XRCC4: variants seen among roughly 807,000 people sequenced by gnomAD.
XRCC4 encodes the protein X-ray repair cross complementing 4.
In XRCC4, 28 loss-of-function variants were observed where a neutral mutation model predicts 39.1. The observed-to-expected ratio is 0.72, with a 90% CI of 0.53 to 0.98. The LOEUF is 0.98. Ranked by LOEUF, XRCC4 falls within the 50% of genes least tolerant of loss-of-function variation. The pLI is 0.00. For synonymous variants in XRCC4, 123 were observed against 126.4 expected, an observed-to-expected ratio of 0.97 and a Z score of 0.18; for missense variants, 350 against 376.4, an observed-to-expected ratio of 0.93 and a Z score of 0.58.
chr5:83,085,443 G>A (rs1480796600), intron 1 of XRCC4, among the ~76,000 whole-genome samples: 1 of 150,460 alleles, frequency 6.6e-6, no homozygotes, highest in African/African-American at 2.5e-5. Flanking sequence ...TCTAAACGTT[G>A]GGGCACTTAA....
chr5:83,185,341 A>G (rs895123443), intron 3 of XRCC4, among the ~76,000 whole-genome samples: 27 of 147,412 alleles, frequency 1.8e-4, no homozygotes, highest in African/African-American at 6.7e-4. Context: ...AAATTAGTGT[A>G]GTTCCAAACC....
chr5:83,254,885 A>C (rs999799258), intron 6 of XRCC4, among the ~76,000 whole-genome samples: 1 of 152,030 alleles, frequency 6.6e-6, no homozygotes, highest in East Asian at 1.9e-4. Context: ...TCAGTAGTTC[A>C]AGACCAGTCT....
chr5:83,095,369 G>A (rs369086058), intron 1 of XRCC4, among the ~76,000 whole-genome samples: 7 of 152,268 alleles, frequency 4.6e-5, no homozygotes, highest in South Asian at 4.1e-4. Flanking sequence ...GGTCCTTGAG[G>A]TTAAGTGGAT....
At chr5:83,161,938 G>A (rs1749232401) in intron 3 of XRCC4, among the ~76,000 whole-genome samples, 1 of 152,108 alleles carries the variant, frequency 6.6e-6, no homozygotes, top group Non-Finnish European at 1.5e-5. Context: ...GGCCAAGGCA[G>A]GCAGGTCACA....
chr5:83,271,074 A>G (rs1003553750), intron 7 of XRCC4, among the ~76,000 whole-genome samples: 6 of 152,312 alleles, frequency 3.9e-5, no homozygotes, highest in East Asian at 1.9e-4. Context: ...CACAGGCACC[A>G]TGAACCTGAT....
At chr5:83,293,659 C>T (rs563581767) in intron 7 of XRCC4, among the ~76,000 whole-genome samples, 1 of 152,032 alleles carries the variant, frequency 6.6e-6, no homozygotes, top group South Asian at 2.1e-4. Context: ...GTCTTCCCTC[C>T]ATTATCAGTT....
chr5:83,374,437 C>T, the XRCC4 span, among the ~76,000 whole-genome samples: 45 of 152,290 alleles, frequency 3.0e-4, no homozygotes, highest in Non-Finnish European at 6.0e-4. Flanking sequence ...CCACATGGAA[C>T]CCTGAGTCAA....
chr5:83,092,058 TAGG>T lies in XRCC4; in HGVS notation c.-10-12848_-10-12846del, dbSNP rs140273751. Among the ~76,000 whole-genome samples, 1,401 of 152,288 alleles carry T rather than the reference TAGG, an allele frequency of 9.2e-3. 16 individuals are homozygous for T. The highest frequency in any genetic ancestry group is 0.032 in the African/African-American group (1,316 of 41,552). On this transcript the variant is annotated intron_variant, in intron 1 of 7. Coordinates refer to ENST00000396027, the MANE Select transcript of XRCC4 (RefSeq NM_003401.5). ...TGTTGATAGTGGCCATTCTCACAGA[TAGG>T]AGGTGATATCTAATTGTGATTTTAA... is the stretch of plus-strand genomic sequence containing the variant.
chr5:83,152,094 A>G (rs1464565846), intron 3 of XRCC4, among the ~76,000 whole-genome samples: 1 of 152,258 alleles, frequency 6.6e-6, no homozygotes, highest in Non-Finnish European at 1.5e-5. Flanking sequence ...GAAATGCAAA[A>G]TTGAAGTAAT....
chr5:83,196,278 A>C (rs1750942934), intron 4 of XRCC4, among the ~76,000 whole-genome samples: 1 of 152,094 alleles, frequency 6.6e-6, no homozygotes, highest in African/African-American at 2.4e-5. Context: ...TGAATGAAAA[A>C]GAGACATGAA....
At position 83,229,518 on chromosome 5, in the gene XRCC4, T is replaced by C. The variant is rs1395933520; in HGVS notation, c.745+24597T>C. 4.6e-5 allele frequency among the ~76,000 whole-genome samples: 7 copies of C among 151,862 alleles called. No individual in the cohort carries two copies. In the East Asian group the frequency reaches 1.4e-3, roughly 29 times the overall value. On this transcript the variant is annotated intron_variant, in intron 6 of 7. Coordinates refer to ENST00000396027, the MANE Select transcript of XRCC4 (RefSeq NM_003401.5). ...TGCTATCCACCCTGCTCTGAATGCA[T>C]TTCCAGTGGTTCTTATTTTGGGGGG...
At chr5:83,373,064 T>C in the XRCC4 span, among the ~76,000 whole-genome samples, 4 of 152,082 alleles carry the variant, frequency 2.6e-5, no homozygotes, top group African/African-American at 9.7e-5. Flanking sequence ...CTCTTACTCT[T>C]TTGAACACTG....
At chr5:83,350,995 C>T (rs1350599534) in intron 7 of XRCC4, among the ~76,000 whole-genome samples, 1 of 152,128 alleles carries the variant, frequency 6.6e-6, no homozygotes, top group Non-Finnish European at 1.5e-5. Flanking sequence ...ACCCAAATCT[C>T]ATGTCTAATT....
chr5:83,371,649 G>A, the XRCC4 span, among the ~76,000 whole-genome samples: 37 of 152,290 alleles, frequency 2.4e-4, no homozygotes, highest in Middle Eastern at 6.8e-3. Flanking sequence ...CCAGAGCCAC[G>A]TGGATTGAAA....
chr5:83,197,558 G>A (rs1052737557), intron 4 of XRCC4, among the ~76,000 whole-genome samples: 13 of 152,148 alleles, frequency 8.5e-5, no homozygotes, highest in African/African-American at 3.1e-4. Flanking sequence ...AGGGAACGAA[G>A]ATGGGGAATT....
chr5:83,357,789 G>A (rs1368980494), downstream of XRCC4, among the ~76,000 whole-genome samples: 1 of 152,160 alleles, frequency 6.6e-6, no homozygotes, highest in East Asian at 1.9e-4. Flanking sequence ...GGAAAGGAAA[G>A]CCAAACAAGA....
chr5:83,264,617 C>T (rs1753889672), intron 7 of XRCC4, among the ~76,000 whole-genome samples: 1 of 151,934 alleles, frequency 6.6e-6, no homozygotes. Flanking sequence ...GTAATCCCAC[C>T]CACCTGGAGA....
At chr5:83,373,263 G>A in the XRCC4 span, among the ~76,000 whole-genome samples, 2 of 152,130 alleles carry the variant, frequency 1.3e-5, no homozygotes, top group South Asian at 2.1e-4. Context: ...CTCATTTGTC[G>A]AGGTCCTTAG....
intron 6 of XRCC4, among the ~76,000 whole-genome samples, chr5:83,251,446 C>T (rs1382917437): frequency 1.3e-5 from 2 of 150,740 alleles, no homozygotes. Flanking sequence ...ATGGCTTGAA[C>T]CCGGGAGGTG....
Sources: gnomAD v4.1 joint callset for allele counts (sites outside exome capture counted in the v4.1 genomes callset) on GRCh38, gnomAD v4.1.1 for gene constraint, MANE v1.5 for transcripts, NCBI Gene and HGNC (gene_info 2026-07-23, HGNC 2026-07-21) for gene names.